TEX26: variants seen among roughly 807,000 people sequenced by gnomAD.
TEX26 encodes the protein testis expressed 26.
TEX26 carries 34 observed loss-of-function variants against 35.3 expected under a neutral mutation model. The ratio of observed to expected loss-of-function variants is 0.96; its 90% CI spans 0.73 to 1.28. TEX26 has a LOEUF of 1.28. TEX26 is among the 50% of genes most tolerant of loss of function. TEX26 has a pLI of 0.00. For synonymous variants in TEX26, 136 were observed against 111.8 expected (o/e 1.22, Z -1.36); for missense variants, 371 against 330.1 (o/e 1.12, Z -0.96).
At chr13:30,968,803 G>C in intron 5 of TEX26, 82 bp from the exon 6 acceptor site, 1 of 1,367,576 alleles carries the variant, frequency 7.3e-7, no homozygotes, top group Non-Finnish European at 1.0e-6. Flanking sequence ...GGGCTGTCAG[G>C]GTCATTTTCA....
chr13:30,973,109 A>G (rs1028452458), intron 6 of TEX26, among the ~76,000 whole-genome samples: 9 of 152,280 alleles, frequency 5.9e-5, no homozygotes, highest in Non-Finnish European at 8.8e-5. Flanking sequence ...TATTCTTAAT[A>G]GCCTCAAACT....
At chr13:30,957,545 C>T (rs1317036256) in intron 4 of TEX26, among the ~76,000 whole-genome samples, 9 of 152,088 alleles carry the variant, frequency 5.9e-5, no homozygotes, top group South Asian at 2.1e-4. Context: ...ATTCAGATGT[C>T]GACTTTTAGA....
chr13:30,949,116 C>T (rs1024717440), intron 2 of TEX26, among the ~76,000 whole-genome samples: 3 of 152,092 alleles, frequency 2.0e-5, no homozygotes, highest in South Asian at 2.1e-4. Context: ...GTTTTGGTAC[C>T]AGTACCATGG....
Position 30,966,305 on chromosome 13 carries a change from A to G in TEX26, c.553A>G (p.Asn185Asp). Residue 185 changes from asparagine to aspartate, a missense_variant, in exon 5 of 7, where the codon AAT becomes GAT. Coordinates refer to ENST00000380473, the MANE Select transcript of TEX26 (RefSeq NM_152325.3). ...ACCTCCAGACACTGAATTCCGAAGG[A>G]ATTACCAAATTCCAGCTAAAATTCC... is the stretch of plus-strand genomic sequence containing the variant. Reference protein sequence around the residue: ...PQPPDTEFRRNYQIPAKIPEL... With the variant: ...PQPPDTEFRRDYQIPAKIPEL... The G allele has an allele frequency of 6.2e-7, 1 of 1,614,166 alleles. No individual in the cohort carries two copies. The highest frequency in any genetic ancestry group is 8.5e-7 in the Non-Finnish European group (1 of 1,180,038).
intron 2 of TEX26, among the ~76,000 whole-genome samples, chr13:30,949,023 T>C (rs1953823542): frequency 6.6e-6 from 1 of 152,214 alleles, no homozygotes; most frequent in African/African-American, 2.4e-5. Flanking sequence ...CTTGTTTTTG[T>C]CAGGTTTGTC....
intron 2 of TEX26, among the ~76,000 whole-genome samples, chr13:30,940,434 C>T (rs534872340): frequency 2.6e-4 from 38 of 147,764 alleles, no homozygotes; most frequent in African/African-American, 6.5e-4. Context: ...CCTGGGTTCA[C>T]GCCATTCTCC....
intron 6 of TEX26, 113 bp downstream of exon 6, chr13:30,969,159 A>C: frequency 1.1e-6 from 1 of 877,384 alleles, no homozygotes; most frequent in South Asian, 2.5e-5. Flanking sequence ...AAATGAAAAC[A>C]TTGCCTCAAA....
chr13:30,960,747 C>T (rs752166531), intron 4 of TEX26, among the ~76,000 whole-genome samples: 1 of 152,110 alleles, frequency 6.6e-6, no homozygotes, highest in Non-Finnish European at 1.5e-5. Context: ...CTGTTTCTTG[C>T]ATTGTTTCCA....
At chr13:30,968,141 A>G (rs895937929) in intron 5 of TEX26, among the ~76,000 whole-genome samples, 10 of 152,220 alleles carry the variant, frequency 6.6e-5, no homozygotes, top group African/African-American at 2.4e-4. Flanking sequence ...ATATAAATTT[A>G]TTAACATGCA....
At chr13:30,934,378 G>T (rs1953188371) in intron 1 of TEX26, among the ~76,000 whole-genome samples, 1 of 152,224 alleles carries the variant, frequency 6.6e-6, no homozygotes, top group African/African-American at 2.4e-5. Flanking sequence ...GGTTGATGGT[G>T]ACTGATGACT....
chr13:30,948,318 A>G (rs562785452), intron 2 of TEX26, among the ~76,000 whole-genome samples: 8 of 152,270 alleles, frequency 5.3e-5, no homozygotes, highest in East Asian at 1.9e-4. Flanking sequence ...TCGCCACACC[A>G]ACTTCCACAA....
intron 6 of TEX26, among the ~76,000 whole-genome samples, chr13:30,970,690 C>A (rs1026055067): frequency 6.6e-6 from 1 of 152,180 alleles, no homozygotes; most frequent in Non-Finnish European, 1.5e-5. Context: ...ATTCAGCTGT[C>A]ATTTCTCTGC....
chr13:30,951,230 C>T (rs1953909026), intron 2 of TEX26, among the ~76,000 whole-genome samples: 1 of 151,870 alleles, frequency 6.6e-6, no homozygotes, highest in African/African-American at 2.4e-5. Flanking sequence ...TGGTACATGC[C>T]TGTAAGTCCT....
intron 2 of TEX26, among the ~76,000 whole-genome samples, chr13:30,944,513 G>T (rs1286567300): frequency 2.6e-5 from 4 of 151,570 alleles, no homozygotes. Flanking sequence ...TGTTTCTCTA[G>T]TTCCTTGAAG....
Position 30,939,683 on chromosome 13 carries a change from T to G in TEX26, c.62-11T>G. On this transcript the variant is annotated splice_polypyrimidine_tract_variant and intron_variant, in intron 1 of 6. Transcript: ENST00000380473. ...TTTGCCATATTTAAAACTGCTTTAT[T>G]GTACTTTTAGCAGATGACCCCAACT... is the stretch of plus-strand genomic sequence containing the variant. The G allele has an allele frequency of 1.2e-6, 2 of 1,610,606 alleles. No homozygotes were observed. Among genetic ancestry groups the G allele is most frequent in the Non-Finnish European group, 1.7e-6 (2 of 1,176,826 alleles).
intron 4 of TEX26, among the ~76,000 whole-genome samples, chr13:30,963,413 G>A (rs958546931): frequency 1.3e-5 from 2 of 152,116 alleles, no homozygotes; most frequent in Non-Finnish European, 2.9e-5. Flanking sequence ...CTTTTTATCA[G>A]GAACCTGTCT....
At chr13:30,971,164 C>T (rs1354842339) in intron 6 of TEX26, among the ~76,000 whole-genome samples, 3 of 152,202 alleles carry the variant, frequency 2.0e-5, no homozygotes, top group Non-Finnish European at 4.4e-5. Context: ...AGCTGAAAAA[C>T]AAATGGAAGT....
intron 1 of TEX26, chr13:30,933,467 C>T (rs887757532): frequency 2.0e-5 from 3 of 152,222 alleles, no homozygotes; most frequent in Non-Finnish European, 4.4e-5. Flanking sequence ...ACCGTGTAGT[C>T]AGCTCCATCA....
intron 1 of TEX26, among the ~76,000 whole-genome samples, chr13:30,938,403 T>C (rs1953352048): frequency 6.6e-6 from 1 of 152,168 alleles, no homozygotes; most frequent in Non-Finnish European, 1.5e-5. Flanking sequence ...TTCTAGAGGA[T>C]GGAAAGTCCA....
Sources: allele counts gnomAD v4.1 joint callset (sites outside exome capture counted in the v4.1 genomes callset), GRCh38; gene constraint gnomAD v4.1.1; transcripts MANE v1.5; gene names NCBI Gene and HGNC (gene_info 2026-07-23, HGNC 2026-07-21).